PNPLA7: variants seen among roughly 807,000 people sequenced by gnomAD.
PNPLA7 encodes patatin like domain 7, lysophospholipase.
PNPLA7 carries 153 observed loss-of-function variants against 161.7 expected under a neutral mutation model. That is an observed-to-expected ratio of 0.95 (90% confidence interval 0.83 to 1.08). The LOEUF is 1.08. Among genes scored for constraint, PNPLA7 ranks in the 50% least tolerant of loss-of-function variants. PNPLA7 has a pLI of 0.00. For missense variants in PNPLA7, 1,739 were observed against 1,856.6 expected (o/e 0.94, Z 1.16); for synonymous variants, 809 against 782.1 (o/e 1.03, Z -0.57).
At position 137,520,108 on chromosome 9, in the gene PNPLA7, G is replaced by T. The variant is rs1385604065; in HGVS notation, c.958-65C>A. 1.3e-6 allele frequency: 2 copies of T among 1,595,468 alleles called. No individual in the cohort carries two copies. On this transcript the variant is annotated intron_variant, in intron 10 of 34. Coordinates refer to ENST00000406427, the MANE Select transcript of PNPLA7 (RefSeq NM_001098537.3). The surrounding 1 kb of genome is among the most constrained non-coding windows in gnomAD (Gnocchi z 5.2). ...ACCCCACACCCACTGACAGGTGTGG[G>T]CTCCTCAAAGGTGTGACAGGTGTGG...
rs1831945660 is a variant in PNPLA7 at position 137,476,427 on chromosome 9, T to A, written c.2882+1607A>T. ...ATTGAGTGGAAAGGAGGGAGACAGATGCATAGATGAGTGATTAATCAATAG... is the reference window on the plus strand; with the variant it reads ...ATTGAGTGGAAAGGAGGGAGACAGAAGCATAGATGAGTGATTAATCAATAG... On this transcript the variant is annotated intron_variant, in intron 25 of 34. Transcript: ENST00000406427. The surrounding 1 kb of genome is among the most constrained non-coding windows in gnomAD (Gnocchi z 4.5). 6.6e-6 allele frequency among the ~76,000 whole-genome samples: 1 copy of A among 152,034 alleles called. No individual in the cohort carries two copies. Among genetic ancestry groups the A allele is most frequent in the Non-Finnish European group, 1.5e-5 (1 of 68,018 alleles).
At chr9:137,464,077 G>A in intron 28 of PNPLA7, 49 bp downstream of exon 28, 1 of 1,588,034 alleles carries the variant, frequency 6.3e-7, no homozygotes, top group South Asian at 1.1e-5. Context: ...CTCTCCCCCT[G>A]CCCACACCTC....
intron 25 of PNPLA7, among the ~76,000 whole-genome samples, chr9:137,477,137 C>T (rs1318436796): frequency 2.6e-5 from 4 of 152,330 alleles, no homozygotes; most frequent in African/African-American, 9.6e-5. Flanking sequence ...TTGGGGGCAG[C>T]GGTAGGAGGC....
chr9:137,461,987 C>T lies in PNPLA7; in HGVS notation c.3700G>A (p.Val1234Met), dbSNP rs1456184769. ...TVFDIWGRSG[V>M]LEKMLRDQQG... ...TGGTCGCGGAGCATCTTCTCCAGCA[C>T]GCCGCTGCGGCCCCAGATGTCAAAC... The change falls in exon 32 of 35, where the codon GTG becomes ATG. Residue 1234 changes from valine (V) to methionine (M), a missense_variant. By Grantham distance (21) the Val-to-Met change is conservative. Around this residue, in one of 6 missense-constraint regions of PNPLA7, gnomAD observed 703 missense variants for 694.6 expected, o/e 1.01. Coordinates refer to ENST00000406427, the MANE Select transcript of PNPLA7 (RefSeq NM_001098537.3). The T allele has an allele frequency of 9.4e-6, 15 of 1,602,200 alleles. No homozygotes were observed. The highest frequency in any genetic ancestry group is 1.7e-4 in the Middle Eastern group (1 of 6,016).
intron 22 of PNPLA7, 86 bp downstream of exon 22, chr9:137,480,874 G>T: frequency 1.4e-6 from 2 of 1,379,610 alleles, no homozygotes; most frequent in Non-Finnish European, 1.0e-6. Context: ...CTGCAGTGCA[G>T]ATGCTGGATG....
intron 1 of PNPLA7, among the ~76,000 whole-genome samples, chr9:137,549,044 C>T (rs895510573): frequency 1.2e-4 from 19 of 152,250 alleles, no homozygotes; most frequent in Admixed American, 2.0e-4. Context: ...AGGCCTATCA[C>T]GCGATGGCCC....
At chr9:137,474,856 C>T (rs1021962379) in intron 25 of PNPLA7, among the ~76,000 whole-genome samples, 1 of 107,316 alleles carries the variant, frequency 9.3e-6, no homozygotes, top group Admixed American at 9.7e-5. Flanking sequence ...ACTAAAAATA[C>T]AAAAAAAAAA....
chr9:137,483,426 G>A (rs1209050564), intron 21 of PNPLA7, among the ~76,000 whole-genome samples: 1 of 152,158 alleles, frequency 6.6e-6, no homozygotes, highest in Non-Finnish European at 1.5e-5. Flanking sequence ...CATGCTTTAT[G>A]TGTTTTAAAA....
chr9:137,511,540 G>A (rs1468671914), intron 12 of PNPLA7, among the ~76,000 whole-genome samples: 1 of 152,184 alleles, frequency 6.6e-6, no homozygotes, highest in African/African-American at 2.4e-5. Flanking sequence ...TGGCCTGGCG[G>A]TAGCGCCAGC....
chr9:137,464,194 TCCTGCGGGCGGA>T lies in PNPLA7; in HGVS notation c.3157-11_3157del. On this transcript the variant is annotated splice_acceptor_variant and splice_polypyrimidine_tract_variant and coding_sequence_variant and intron_variant, in exon 28 of 35. Coordinates refer to ENST00000406427, the MANE Select transcript of PNPLA7 (RefSeq NM_001098537.3). LOFTEE classifies it high-confidence loss of function. ...GATGGCGAAATAAGGAATCCACAGG[TCCTGCGGGCGGA>T]CGGGGCTCAGATGGGCCCTCTCCCA... The T allele has an allele frequency of 1.2e-6, 2 of 1,613,626 alleles. No homozygotes were observed. The highest frequency in any genetic ancestry group is 1.7e-6 in the Non-Finnish European group (2 of 1,179,938).
chr9:137,549,339 G>T (rs976867850), intron 1 of PNPLA7, among the ~76,000 whole-genome samples: 1 of 152,262 alleles, frequency 6.6e-6, no homozygotes, highest in East Asian at 1.9e-4. Context: ...AGGCCAAGGC[G>T]GGCGGATCAC....
chr9:137,462,303 C>A lies in PNPLA7; in HGVS notation c.3521G>T (p.Arg1174Leu), dbSNP rs748012409. ...CCGCACGCAACACACGTAGGCCAGG[C>A]GCGTCTGAATCTCTGCCATGTTCAA... ...KVLNMAEIQT[R>L]LAYVCCVRQL... Residue 1174 changes from arginine (R) to leucine (L), a missense_variant, in exon 31 of 35, where the codon CGC becomes CTC. Around this residue, in one of 6 missense-constraint regions of PNPLA7, gnomAD observed 703 missense variants for 694.6 expected, o/e 1.01. Transcript: ENST00000406427. 1.9e-6 allele frequency: 3 copies of A among 1,609,516 alleles called. No homozygotes were observed. The highest frequency in any genetic ancestry group is 1.3e-5 in the African/African-American group (1 of 74,982).
At chr9:137,504,648 C>T (rs1355069726) in intron 14 of PNPLA7, among the ~76,000 whole-genome samples, 1 of 152,154 alleles carries the variant, frequency 6.6e-6, no homozygotes, top group Non-Finnish European at 1.5e-5. Context: ...GGTGGGTGAG[C>T]AATCGCAGCT....
At chr9:137,498,737 G>T (rs375701021) in intron 16 of PNPLA7, among the ~76,000 whole-genome samples, 1 of 152,146 alleles carries the variant, frequency 6.6e-6, no homozygotes, top group Non-Finnish European at 1.5e-5. Context: ...TTCTCTCCCC[G>T]GTGGTCGTGT....
chr9:137,528,010 C>A (rs1478031915), intron 8 of PNPLA7, among the ~76,000 whole-genome samples: 1 of 152,134 alleles, frequency 6.6e-6, no homozygotes, highest in South Asian at 2.1e-4. Context: ...ATTTAATCTG[C>A]GTGGCTGATT....
At chr9:137,515,145 G>A (rs1834461449) in intron 12 of PNPLA7, among the ~76,000 whole-genome samples, 1 of 152,108 alleles carries the variant, frequency 6.6e-6, no homozygotes, top group Non-Finnish European at 1.5e-5. Context: ...GGTGGTGGGG[G>A]TGAGACAGGG....
In PNPLA7 at chr9:137,460,399, G is replaced by GTCCTGGTCAGAGGAGCCC. The variant is rs750364359; in HGVS notation, c.4005_4022dup (p.Glu1335_Gln1340dup). On this transcript the variant is annotated inframe_insertion, in exon 35 of 35. Coordinates refer to ENST00000406427, the MANE Select transcript of PNPLA7 (RefSeq NM_001098537.3). ...GGCTCTTTAGCAGAGGCCTCTACCC[G>GTCCTGGTCAGAGGAGCCC]TCCTGGTCAGAGGAGCCCTCAGACA... is the stretch of plus-strand genomic sequence containing the variant. The GTCCTGGTCAGAGGAGCCC allele has an allele frequency of 8.1e-6, 13 of 1,612,154 alleles. No homozygotes were observed. The highest frequency in any genetic ancestry group is 1.1e-5 in the Non-Finnish European group (13 of 1,179,652).
chr9:137,464,140 C>T lies in PNPLA7; in HGVS notation c.3212G>A (p.Arg1071Gln), dbSNP rs202072584. 66 of 1,613,454 alleles carry T rather than the reference C, an allele frequency of 4.1e-5. No homozygotes were observed. The highest frequency in any genetic ancestry group is 5.1e-5 in the Non-Finnish European group (60 of 1,179,944). Residue 1071 changes from arginine (R) to glutamine (Q), a missense_variant, in exon 28 of 35, where the codon CGG becomes CAG. This residue lies in a region of PNPLA7 where 703 missense variants were observed against 694.6 expected (regional missense o/e 1.01). Coordinates refer to ENST00000406427, the MANE Select transcript of PNPLA7 (RefSeq NM_001098537.3). ...ITTDITASAM[R>Q]VHTDGSLWWY... The stretch of plus-strand genomic sequence containing the variant: ...GGAGTGCTCACCGTCGGTGTGGACC[C>T]GCATGGCCGAGGCTGTGATGTCGGT...
rs925386346 is a variant in PNPLA7, at chr9:137,529,658, T to A, written c.748-6801A>T. Reference sequence around the variant, plus strand: ...TTCGAGGTGAAGTTTGAATCTTTGTTTTTTTTTTTTTTTTTTTGAGACGGA... The same window carrying A: ...TTCGAGGTGAAGTTTGAATCTTTGTATTTTTTTTTTTTTTTTTGAGACGGA... On this transcript the variant is annotated intron_variant, in intron 8 of 34. Transcript: ENST00000406427. Among the ~76,000 whole-genome samples, 8 of 109,642 alleles carry A rather than the reference T, an allele frequency of 7.3e-5. No individual in the cohort carries two copies. In the East Asian group the frequency reaches 1.7e-3, roughly 23 times the overall value. The allele number at this position is 109,642 out of a possible 152,430, so 71.9% of individuals were successfully genotyped here.
Sources: allele counts gnomAD v4.1 joint callset (sites outside exome capture counted in the v4.1 genomes callset), GRCh38; gene constraint gnomAD v4.1.1; regional missense constraint gnomAD v4.1.1; non-coding constraint Gnocchi (gnomAD v3.1); transcripts MANE v1.5; gene names NCBI Gene and HGNC (gene_info 2026-07-23, HGNC 2026-07-21).